PLCH1: variants seen among roughly 807,000 people sequenced by gnomAD.
PLCH1 encodes phospholipase C eta 1.
Under a neutral mutation model 126.7 loss-of-function variants are expected in PLCH1, and 60 were observed. The observed-to-expected ratio is 0.47, with a 90% CI of 0.38 to 0.59. The LOEUF is 0.59. Among genes scored for constraint, PLCH1 ranks in the 20% least tolerant of loss-of-function variants. PLCH1 has a pLI of 0.00. For synonymous variants in PLCH1, 719 were observed against 734.9 expected (o/e 0.98, Z 0.35); for missense variants, 1,723 against 2,040.0 (o/e 0.84, Z 2.99).
chr3:155,571,787 G>A (rs1729261933), intron 6 of PLCH1, among the ~76,000 whole-genome samples: 1 of 152,192 alleles, frequency 6.6e-6, no homozygotes, highest in Admixed American at 6.5e-5. Context: ...TATTAAGTTA[G>A]ATCTTTAACA....
At chr3:155,648,159 T>G (rs1408814819) in intron 2 of PLCH1, among the ~76,000 whole-genome samples, 1 of 152,198 alleles carries the variant, frequency 6.6e-6, no homozygotes, top group African/African-American at 2.4e-5. Flanking sequence ...AGCCAGACTA[T>G]GCCCACAAGG....
intron 8 of PLCH1, among the ~76,000 whole-genome samples, chr3:155,563,937 GTC>G (rs148001604): frequency 2.7e-5 from 4 of 149,798 alleles, no homozygotes; most frequent in Admixed American, 6.7e-5. Flanking sequence ...CTCTCTCTCT[GTC>G]TCTCTCTCTC....
chr3:155,549,959 C>G lies in PLCH1; in HGVS notation c.1191-1G>C. 6.2e-7 allele frequency: 1 copy of G among 1,613,094 alleles called. No homozygotes were observed. Among genetic ancestry groups the G allele is most frequent in the Non-Finnish European group, 8.5e-7 (1 of 1,179,566 alleles). On this transcript the variant is annotated splice_acceptor_variant, in intron 9 of 22. Transcript: ENST00000460012. LOFTEE classifies it high-confidence loss of function. ...CTCGATAGACAATATAACAGGAAAC[C>G]TGAGAAAAGAGCAACACAGTCCAGA...
At chr3:155,665,479 G>A (rs1275118211) in intron 2 of PLCH1, among the ~76,000 whole-genome samples, 1 of 152,194 alleles carries the variant, frequency 6.6e-6, no homozygotes. Flanking sequence ...GTTCTACATG[G>A]TTAAATAGTA....
At chr3:155,543,184 A>C (rs945835191) in intron 10 of PLCH1, among the ~76,000 whole-genome samples, 5 of 152,238 alleles carry the variant, frequency 3.3e-5, no homozygotes, top group African/African-American at 1.2e-4. Context: ...AATACAGAGA[A>C]GTACTTAAAG....
At chr3:155,572,612 T>A (rs1485889599) in intron 6 of PLCH1, among the ~76,000 whole-genome samples, 2 of 152,164 alleles carry the variant, frequency 1.3e-5, no homozygotes, top group Non-Finnish European at 2.9e-5. Context: ...ATTTATTTGA[T>A]AAGTTTCTCC....
intron 2 of PLCH1, among the ~76,000 whole-genome samples, chr3:155,654,716 C>T (rs74612021): frequency 6.6e-6 from 1 of 152,172 alleles, no homozygotes; most frequent in African/African-American, 2.4e-5. Flanking sequence ...AGACCACCAT[C>T]ATTTCATGTA....
intron 8 of PLCH1, among the ~76,000 whole-genome samples, chr3:155,557,790 T>C (rs1727027257): frequency 6.6e-6 from 1 of 152,206 alleles, no homozygotes; most frequent in Non-Finnish European, 1.5e-5. Context: ...TTAGCCATTC[T>C]GAAGGCCAAA....
chr3:155,517,282 G>A (rs565707107), intron 11 of PLCH1, among the ~76,000 whole-genome samples: 23 of 152,170 alleles, frequency 1.5e-4, no homozygotes, highest in Non-Finnish European at 2.9e-4. Flanking sequence ...ACTCCAGCCT[G>A]AGCCACAGAG....
chr3:155,496,547 C>T (rs1717064717), intron 15 of PLCH1, among the ~76,000 whole-genome samples: 1 of 152,080 alleles, frequency 6.6e-6, no homozygotes, highest in African/African-American at 2.4e-5. Flanking sequence ...GGGAAGAATC[C>T]TGGAGGTTTG....
At chr3:155,723,451 T>C (rs1384682097) in intron 1 of PLCH1, among the ~76,000 whole-genome samples, 1 of 152,202 alleles carries the variant, frequency 6.6e-6, no homozygotes, top group Non-Finnish European at 1.5e-5. Context: ...CTGATCTTCA[T>C]TATTCCTTTT....
chr3:155,600,448 T>C (rs1733567265), intron 2 of PLCH1, among the ~76,000 whole-genome samples: 1 of 152,212 alleles, frequency 6.6e-6, no homozygotes. Context: ...AGAGTTCTAG[T>C]GGCTTAGAAT....
intron 1 of PLCH1, among the ~76,000 whole-genome samples, chr3:155,730,430 C>T (rs1018145467): frequency 6.6e-6 from 1 of 151,930 alleles, no homozygotes; most frequent in South Asian, 2.1e-4. Flanking sequence ...TACAGGCGCC[C>T]GCACCACGCC....
intron 4 of PLCH1, among the ~76,000 whole-genome samples, chr3:155,592,174 T>TAAAAAAA (rs11329108): frequency 1.8e-4 from 23 of 129,306 alleles, no homozygotes; most frequent in African/African-American, 6.4e-4. Flanking sequence ...TTTTCTCTTT[T>TAAAAAAA]AAAAAAAAAA....
chr3:155,595,288 TAATA>T (rs1732837983), intron 3 of PLCH1, among the ~76,000 whole-genome samples: 2 of 152,252 alleles, frequency 1.3e-5, no homozygotes, highest in Admixed American at 1.3e-4. Flanking sequence ...AATTTCAGAC[TAATA>T]AATTATTTTT....
At chr3:155,723,595 C>T (rs1330179648) in intron 1 of PLCH1, among the ~76,000 whole-genome samples, 1 of 152,022 alleles carries the variant, frequency 6.6e-6, no homozygotes, top group Non-Finnish European at 1.5e-5. Flanking sequence ...TTAGCATTGC[C>T]TTTGTTGTAT....
intron 2 of PLCH1, among the ~76,000 whole-genome samples, chr3:155,698,312 T>C (rs1745990189): frequency 6.6e-6 from 1 of 152,236 alleles, no homozygotes; most frequent in Non-Finnish European, 1.5e-5. Context: ...AGGCTTTCAT[T>C]GAGAATTTTT....
intron 9 of PLCH1, among the ~76,000 whole-genome samples, chr3:155,550,762 A>T (rs1403280462): frequency 1.3e-5 from 2 of 152,248 alleles, no homozygotes; most frequent in African/African-American, 4.8e-5. Context: ...GTCTTCAGAC[A>T]TAATAGGCAA....
At chr3:155,631,469 C>T (rs372613737) in intron 2 of PLCH1, among the ~76,000 whole-genome samples, 1 of 152,148 alleles carries the variant, frequency 6.6e-6, no homozygotes. Flanking sequence ...CTCTCCCAGA[C>T]GTGGGTCACT....
Sources: gnomAD v4.1 joint callset for allele counts (sites outside exome capture counted in the v4.1 genomes callset) on GRCh38, gnomAD v4.1.1 for gene constraint, MANE v1.5 for transcripts, NCBI Gene and HGNC (gene_info 2026-07-23, HGNC 2026-07-21) for gene names.